Variants in SLC45A4 observed in about 807,000 individuals in gnomAD.
SLC45A4 encodes polyamine-transporter SLC45A4.
SLC45A4 carries 32 observed loss-of-function variants against 63.7 expected under a neutral mutation model. The ratio of observed to expected loss-of-function variants is 0.50; its 90% confidence interval spans 0.38 to 0.67. SLC45A4 has a LOEUF of 0.67. SLC45A4 is among the 30% of genes least tolerant of loss of function. SLC45A4 has a pLI of 0.00. For synonymous variants in SLC45A4, 535 were observed against 510.0 expected (o/e 1.05, Z -0.66); for missense variants, 1,027 against 1,157.7 (o/e 0.89, Z 1.64).
intron 5 of SLC45A4, 150 bp from the exon 6 acceptor site, chr8:141,217,339 G>C: frequency 1.3e-6 from 1 of 751,880 alleles, no homozygotes; most frequent in Non-Finnish European, 2.1e-6. Context: ...AGCCCAAGTC[G>C]GTTGCTATCT....
At chr8:141,245,701 CCCAGA>C (rs1828155281) in intron 2 of SLC45A4, among the ~76,000 whole-genome samples, 2 of 152,182 alleles carry the variant, frequency 1.3e-5, no homozygotes, top group South Asian at 4.1e-4. Flanking sequence ...GTGTCCCAAC[CCCAGA>C]CCAGCCTTAG....
At chr8:141,272,736 C>T (rs1829588652) in intron 1 of SLC45A4, among the ~76,000 whole-genome samples, 1 of 152,166 alleles carries the variant, frequency 6.6e-6, no homozygotes, top group Non-Finnish European at 1.5e-5. Context: ...ACTGGTCAAA[C>T]AGCCTCCTCG....
chr8:141,301,734 C>CAAAAAAAAAAAA (rs564016568), intron 1 of SLC45A4, among the ~76,000 whole-genome samples: 698 of 39,564 alleles, frequency 0.018, 75 homozygotes, highest in Non-Finnish European at 0.023. Flanking sequence ...GACCCTATCT[C>CAAAAAAAAAAAA]AAAAAAAAAA....
intron 7 of SLC45A4, 68 bp from the exon 8 acceptor site, chr8:141,212,624 G>A (rs560132156): frequency 2.0e-6 from 3 of 1,492,102 alleles, no homozygotes; most frequent in Admixed American, 4.3e-5. Context: ...CTTCACAACT[G>A]TGAGTATTAA....
intron 2 of SLC45A4, among the ~76,000 whole-genome samples, chr8:141,248,562 T>C (rs1443368564): frequency 1.3e-5 from 2 of 151,684 alleles, no homozygotes; most frequent in Non-Finnish European, 2.9e-5. Context: ...AGAGTCCCTG[T>C]TTAAAAAAAA....
chr8:141,307,540 A>AGAAGGGAAGGGGAAGAAGG (rs1830935878), intron 1 of SLC45A4, among the ~76,000 whole-genome samples: 1 of 107,488 alleles, frequency 9.3e-6, no homozygotes, highest in Non-Finnish European at 2.0e-5. Context: ...GGGAAGGGGA[A>AGAAGGGAAGGGGAAGAAGG]GAAGGGGAAG....
rs762001312 is a variant in SLC45A4, at chr8:141,217,082, G to A, written c.1729+8C>T. 6.2e-7 allele frequency: 1 copy of A among 1,613,634 alleles called. No homozygotes were observed. Among genetic ancestry groups the A allele is most frequent in the South Asian group, 1.1e-5 (1 of 91,078 alleles). On this transcript the variant is annotated splice_region_variant and intron_variant, in intron 6 of 8. Transcript: ENST00000517878. ...TGCGAGTGCTGACCTGACTTGGGGA[G>A]CTCTTACCTGAACAAATAGCACCAG...
Position 141,218,234 on chromosome 8 carries a change from CGGTGCT to C in SLC45A4, c.1400_1405del (p.Gln467_His468del), listed in dbSNP as rs747726945. Reference sequence around the variant, plus strand: ...GGTGGCCCCGCTCTGGTTCCGGTGCCGGTGCTGCCGCTGCCGCTTCTGCATGTCGTA... The same window carrying C: ...GGTGGCCCCGCTCTGGTTCCGGTGCCGCCGCTGCCGCTTCTGCATGTCGTA... On this transcript the variant is annotated inframe_deletion, in exon 5 of 9. Transcript: ENST00000517878. The C allele has an allele frequency of 4.4e-6, 7 of 1,601,842 alleles. No individual in the cohort carries two copies. Among genetic ancestry groups the C allele is most frequent in the African/African-American group, 1.3e-5 (1 of 75,042 alleles).
intron 1 of SLC45A4, among the ~76,000 whole-genome samples, chr8:141,264,879 A>C (rs1426360210): frequency 6.6e-6 from 1 of 152,246 alleles, no homozygotes; most frequent in Non-Finnish European, 1.5e-5. Flanking sequence ...ATTTACATGC[A>C]GTGAGAAGGT....
rs1826096747 is a variant in SLC45A4, at chr8:141,215,642, G to A, written c.1941+117C>T. On this transcript the variant is annotated intron_variant, in intron 7 of 8. Coordinates refer to ENST00000517878, the MANE Select transcript of SLC45A4 (RefSeq NM_001286646.2). This position sits in a 1 kb window ranked among gnomAD's most constrained non-coding sequence, Gnocchi z 4.3. ...AAGGGGCCATCTCAGAACCGGAGAG[G>A]AAGGAGGGCCATCTGTGTCGTGAAC... 4.8e-6 allele frequency: 5 copies of A among 1,034,240 alleles called. No individual in the cohort carries two copies. Among genetic ancestry groups the A allele is most frequent in the Non-Finnish European group, 7.2e-6 (5 of 696,992 alleles). The allele number at this position is 1,034,240 out of a possible 1,614,324, so 64.1% of individuals were successfully genotyped here.
At chr8:141,289,903 C>T (rs4961261) in intron 1 of SLC45A4, among the ~76,000 whole-genome samples, 120,308 of 151,722 alleles carry the variant, frequency 0.79, 49,015 homozygotes, top group Non-Finnish European at 0.89. Flanking sequence ...GAGCGAGGTG[C>T]CCCCAGCCCT....
chr8:141,276,510 T>C (rs7819791), intron 1 of SLC45A4, among the ~76,000 whole-genome samples: 46,404 of 151,840 alleles, frequency 0.31, 7,456 homozygotes, highest in East Asian at 0.49. Context: ...AAGTGGCAGG[T>C]CCATAACCCC....
At chr8:141,285,608 C>T (rs953894654) in intron 1 of SLC45A4, among the ~76,000 whole-genome samples, 6 of 152,210 alleles carry the variant, frequency 3.9e-5, no homozygotes, top group South Asian at 2.1e-4. Flanking sequence ...TCCACGGCCA[C>T]GTCCGTTTAA....
chr8:141,288,620 C>T (rs532638511), intron 1 of SLC45A4, among the ~76,000 whole-genome samples: 1 of 152,374 alleles, frequency 6.6e-6, no homozygotes, highest in East Asian at 1.9e-4. Context: ...TGTGTACTGA[C>T]TATGGCACTG....
intron 1 of SLC45A4, among the ~76,000 whole-genome samples, chr8:141,298,277 G>C (rs748716756): frequency 2.0e-5 from 3 of 152,248 alleles, no homozygotes; most frequent in Non-Finnish European, 2.9e-5. Context: ...TTTTTAAGAA[G>C]AACATTCTGT....
At chr8:141,302,693 T>A (rs1157597764) in intron 1 of SLC45A4, among the ~76,000 whole-genome samples, 6 of 152,202 alleles carry the variant, frequency 3.9e-5, no homozygotes, top group African/African-American at 1.4e-4. Flanking sequence ...GACAGCAATG[T>A]AACTCTAAAA....
At chr8:141,276,514 T>C (rs977456467) in intron 1 of SLC45A4, among the ~76,000 whole-genome samples, 5 of 152,270 alleles carry the variant, frequency 3.3e-5, no homozygotes, top group African/African-American at 1.2e-4. Flanking sequence ...GGCAGGTCCA[T>C]AACCCCACCC....
At chr8:141,304,371 C>T (rs1830834669) in intron 1 of SLC45A4, among the ~76,000 whole-genome samples, 1 of 152,012 alleles carries the variant, frequency 6.6e-6, no homozygotes, top group South Asian at 2.1e-4. Context: ...CCAGCCTGGC[C>T]AACATGGTGA....
In SLC45A4 at chr8:141,219,504, C is replaced by T; in HGVS notation, c.610+146G>A. ...GTCAGGAGGGGCTGCCCCTGGTTAC[C>T]TTCCAGCCCTAAGACCCTGCCCACT... On this transcript the variant is annotated intron_variant, in intron 4 of 8. Coordinates refer to ENST00000517878, the MANE Select transcript of SLC45A4 (RefSeq NM_001286646.2). The T allele has an allele frequency of 9.6e-6, 10 of 1,045,664 alleles. No individual in the cohort carries two copies. The South Asian group carries it at 1.7e-4, about 18-fold the overall frequency. The allele number at this position is 1,045,664 out of a possible 1,614,324, so 64.8% of individuals were successfully genotyped here. A position where few individuals can be genotyped will look rare whatever the true frequency, so the allele number is the denominator to read the frequency against.
Sources: allele counts gnomAD v4.1 joint callset (sites outside exome capture counted in the v4.1 genomes callset), GRCh38; gene constraint gnomAD v4.1.1; non-coding constraint Gnocchi (gnomAD v3.1); transcripts MANE v1.5; gene names NCBI Gene and HGNC (gene_info 2026-07-23, HGNC 2026-07-21).